The following FGF13 variants were observed in gnomAD, a reference collection of about 807,000 sequenced individuals.
FGF13 encodes the protein fibroblast growth factor 13.
In FGF13, 2 loss-of-function variants were observed where a neutral mutation model predicts 19.5. The ratio of observed to expected loss-of-function variants is 0.10; its 90% confidence interval spans 0.04 to 0.32. FGF13 has a LOEUF of 0.32. Ranked by LOEUF, FGF13 falls within the 10% of genes least tolerant of loss-of-function variation. FGF13 has a pLI of 1.00. For synonymous variants in FGF13, 72 were observed against 76.9 expected, an observed-to-expected ratio of 0.94 and a Z score of 0.33; for missense variants, 113 against 192.7, an observed-to-expected ratio of 0.59 and a Z score of 2.45.
intron 3 of FGF13, among the ~76,000 whole-genome samples, chrX:138,810,686 A>G (rs980938081): frequency 7.1e-5 from 8 of 112,110 alleles, no homozygotes; most frequent in Non-Finnish European, 1.5e-4. Context: ...AATGTTTACA[A>G]TCTACCCATC....
chrX:138,811,396 G>T (rs991558889), intron 3 of FGF13, among the ~76,000 whole-genome samples: 1 of 110,322 alleles, frequency 9.1e-6, no homozygotes, highest in Non-Finnish European at 1.9e-5. Flanking sequence ...ACTGAACAAT[G>T]AGAACACTCG....
At chrX:139,135,845 G>A (rs1330742248) in intron 1 of FGF13, among the ~76,000 whole-genome samples, 1 of 111,186 alleles carries the variant, frequency 9.0e-6, no homozygotes, top group East Asian at 2.8e-4. Context: ...CCACCCTATG[G>A]GGGTTCTGTC....
chrX:138,962,969 A>T (rs1001090734), intron 1 of FGF13, among the ~76,000 whole-genome samples: 5 of 111,434 alleles, frequency 4.5e-5, no homozygotes, highest in Admixed American at 9.5e-5. Flanking sequence ...CGTTGTGCAC[A>T]TGTACCCAAG....
rs2089099483 is a variant in FGF13 at position 138,629,936 on chromosome X, C to A, written c.*2914G>T. The A allele has an allele frequency of 9.0e-6, 1 of 110,906 alleles. No individual in the cohort carries two copies. The highest frequency in any genetic ancestry group is 9.7e-5 in the Admixed American group (1 of 10,353). 9.1% of individuals were successfully genotyped at this position (110,906 alleles called of 1,213,427 possible). ...TTTCCCACAACTATTTGACTAGAGT[C>A]TTTTTTTCTTTCATCAGTTATGTGG... is the stretch of plus-strand genomic sequence containing the variant. On this transcript the variant is annotated 3_prime_UTR_variant, in exon 5 of 5. Transcript: ENST00000315930.
chrX:139,040,979 C>G (rs2092267233), intron 1 of FGF13, among the ~76,000 whole-genome samples: 1 of 103,650 alleles, frequency 9.6e-6, no homozygotes, highest in Non-Finnish European at 1.9e-5. Flanking sequence ...ATCACATATT[C>G]TCACTTGTAA....
intron 3 of FGF13, among the ~76,000 whole-genome samples, chrX:138,680,070 C>G (rs2124188596): frequency 8.9e-6 from 1 of 112,323 alleles, no homozygotes; most frequent in East Asian, 2.8e-4. Flanking sequence ...TGCTCATCCA[C>G]AAGAAACAAC....
Position 139,076,611 on chromosome X carries a change from C to T in FGF13, c.-113+126805G>A, listed in dbSNP as rs1220745547. Among the ~76,000 whole-genome samples the T allele has an allele frequency of 2.7e-5, 3 of 111,448 alleles. No homozygotes were observed. In the East Asian group the frequency reaches 8.4e-4, roughly 31 times the overall value. On this transcript the variant is annotated intron_variant, in intron 1 of 2. Transcript: ENST00000421460. ...TTCATTGACCAGTGAAATAAGAATA[C>T]TAAATAGAAATCTGAAAAAATGCAA...
intron 3 of FGF13, among the ~76,000 whole-genome samples, chrX:138,830,689 G>T (rs2091065597): frequency 2.2e-5 from 1 of 46,042 alleles, no homozygotes; most frequent in Non-Finnish European, 4.2e-5. Flanking sequence ...AGGGGTGTTT[G>T]TGTGTGTGTG....
intron 1 of FGF13, among the ~76,000 whole-genome samples, chrX:138,919,760 G>C (rs2091635432): frequency 9.1e-6 from 1 of 110,271 alleles, no homozygotes; most frequent in Admixed American, 9.7e-5. Context: ...ACAGTCTTCT[G>C]TATAGTGGAG....
chrX:139,060,827 GT>G (rs949411979), intron 1 of FGF13, among the ~76,000 whole-genome samples: 36 of 107,197 alleles, frequency 3.4e-4, no homozygotes, highest in Non-Finnish European at 4.7e-4. Context: ...TACTTTTTCT[GT>G]TTTTTTTTCT....
intron 3 of FGF13, among the ~76,000 whole-genome samples, chrX:138,807,529 C>G (rs777535397): frequency 8.9e-6 from 1 of 111,913 alleles, no homozygotes; most frequent in South Asian, 3.7e-4. Context: ...GAAGAAACTG[C>G]ATCAACTAAC....
intron 1 of FGF13, among the ~76,000 whole-genome samples, chrX:139,031,520 T>G (rs774022672): frequency 9.9e-4 from 110 of 111,156 alleles, no homozygotes; most frequent in African/African-American, 3.6e-3. Flanking sequence ...GGCAATATCA[T>G]TACTCCCATT....
At chrX:138,830,406 G>A (rs772958114) in intron 3 of FGF13, among the ~76,000 whole-genome samples, 208 of 111,952 alleles carry the variant, frequency 1.9e-3, no homozygotes, top group Non-Finnish European at 3.3e-3. Flanking sequence ...GGAAACTGGA[G>A]TAAAGACCAT....
intron 3 of FGF13, among the ~76,000 whole-genome samples, chrX:138,698,290 G>T (rs1437066510): frequency 1.8e-5 from 2 of 110,563 alleles, no homozygotes; most frequent in Non-Finnish European, 3.8e-5. Flanking sequence ...AAAATAAATG[G>T]CAAAAACTAT....
chrX:138,747,568 T>C lies in FGF13; in HGVS notation c.218-38640A>G, dbSNP rs1398829367. Among the ~76,000 whole-genome samples the C allele has an allele frequency of 2.7e-5, 3 of 111,959 alleles. No individual in the cohort carries two copies. The East Asian group carries it at 8.5e-4, about 32-fold the overall frequency. ...TAATTTGCCTTCAGAATCCTTTATT[T>C]CCCACAGTAGCTACTAAGGTCCCTT... On this transcript the variant is annotated intron_variant, in intron 3 of 6. Transcript: ENST00000436198.
At chrX:139,125,705 G>A (rs995354873) in intron 1 of FGF13, among the ~76,000 whole-genome samples, 27 of 111,923 alleles carry the variant, frequency 2.4e-4, no homozygotes, top group African/African-American at 8.1e-4. Flanking sequence ...CTGGCCCTGT[G>A]TTAGGGGGAC....
intron 1 of FGF13, among the ~76,000 whole-genome samples, chrX:139,003,365 C>T (rs1294846474): frequency 1.8e-5 from 2 of 111,675 alleles, no homozygotes; most frequent in Non-Finnish European, 1.9e-5. Flanking sequence ...ATAAAAGCAG[C>T]GTGGACCCAA....
At chrX:138,820,873 A>C (rs1160303156) in intron 3 of FGF13, among the ~76,000 whole-genome samples, 2 of 111,204 alleles carry the variant, frequency 1.8e-5, no homozygotes, top group Non-Finnish European at 3.8e-5. Flanking sequence ...AGAATAGTCC[A>C]GTGCATTTAA....
Position 138,733,032 on chromosome X carries a change from G to C in FGF13, c.28+6210C>G, listed in dbSNP as rs1004441160. Among the ~76,000 whole-genome samples the C allele has an allele frequency of 4.5e-5, 5 of 111,675 alleles. No homozygotes were observed. In the Admixed American group the frequency reaches 4.8e-4, roughly 11 times the overall value. On this transcript the variant is annotated intron_variant, in intron 1 of 4. Transcript: ENST00000305414. ...GCTGGGCTGCAGAATTTTCAGCCCAGAATACAGAATTTTCCCATATAGAAA... is the reference window on the plus strand; with the variant it reads ...GCTGGGCTGCAGAATTTTCAGCCCACAATACAGAATTTTCCCATATAGAAA...
Sources: allele counts gnomAD v4.1 joint callset (sites outside exome capture counted in the v4.1 genomes callset), GRCh38; gene constraint gnomAD v4.1.1; transcripts MANE v1.5; gene names NCBI Gene and HGNC (gene_info 2026-07-23, HGNC 2026-07-21).